KDM4C: variants seen among roughly 807,000 people sequenced by gnomAD.
The protein encoded by KDM4C is lysine-specific demethylase 4C.
Under a neutral mutation model 129.3 loss-of-function variants are expected in KDM4C, and 81 were observed. The ratio of observed to expected loss-of-function variants is 0.63; its 90% CI spans 0.52 to 0.75. The LOEUF (loss-of-function observed/expected upper bound fraction) is 0.75. Among genes scored for constraint, KDM4C ranks in the 30% least tolerant of loss-of-function variants. The pLI is 0.00. For synonymous variants in KDM4C, 573 were observed against 456.1 expected (o/e 1.26, Z -3.26); for missense variants, 1,457 against 1,304.0 (o/e 1.12, Z -1.81).
rs563574331 is a variant in KDM4C, at chr9:6,890,504, G to A, written c.783+2441G>A. ...AACATAAGTGTAATAAACAGCTGAT[G>A]TCTGCATTTAGATTATATCCACTCT... On this transcript the variant is annotated intron_variant, in intron 7 of 21. Transcript: ENST00000381309. Among the ~76,000 whole-genome samples, 319 of 152,238 alleles carry A rather than the reference G, an allele frequency of 2.1e-3. 1 individual carries two copies. The highest frequency in any genetic ancestry group is 7.2e-3 in the African/African-American group (300 of 41,524).
At chr9:6,867,001 A>G (rs10975864) in intron 5 of KDM4C, among the ~76,000 whole-genome samples, 14,167 of 47,524 alleles carry the variant, frequency 0.3, 1,252 homozygotes, top group East Asian at 0.55. Flanking sequence ...GTGTGTGTGT[A>G]TATATATATA....
chr9:7,149,982 A>G (rs193030213), intron 19 of KDM4C, among the ~76,000 whole-genome samples: 1 of 152,302 alleles, frequency 6.6e-6, no homozygotes, highest in East Asian at 1.9e-4. Context: ...GGCTCCTGGT[A>G]TGGTGGGGCA....
chr9:7,029,510 A>G (rs750588819), intron 15 of KDM4C, among the ~76,000 whole-genome samples: 10 of 152,000 alleles, frequency 6.6e-5, no homozygotes, highest in Non-Finnish European at 1.3e-4. Flanking sequence ...AATTGCTAAT[A>G]AGTAATAGGA....
intron 8 of KDM4C, among the ~76,000 whole-genome samples, chr9:6,950,445 T>C (rs1827929075): frequency 6.6e-6 from 1 of 152,208 alleles, no homozygotes; most frequent in Non-Finnish European, 1.5e-5. Context: ...AATTCATCCA[T>C]ACAGATTTTA....
intron 19 of KDM4C, among the ~76,000 whole-genome samples, chr9:7,141,948 A>G (rs1207144318): frequency 6.6e-6 from 1 of 151,766 alleles, no homozygotes; most frequent in Non-Finnish European, 1.5e-5. Context: ...ACACACATAA[A>G]CCCCATTAAC....
intron 15 of KDM4C, among the ~76,000 whole-genome samples, chr9:7,040,890 T>C (rs986866967): frequency 1.3e-5 from 2 of 151,990 alleles, no homozygotes; most frequent in African/African-American, 4.8e-5. Flanking sequence ...GTTTAGAGTT[T>C]GCTGCAATTT....
intron 8 of KDM4C, among the ~76,000 whole-genome samples, chr9:6,949,492 C>G (rs943951312): frequency 1.1e-4 from 17 of 152,302 alleles, no homozygotes; most frequent in African/African-American, 3.4e-4. Context: ...AGGCAGGCGG[C>G]TGGGAGGTGG....
At chr9:7,063,165 G>A (rs190136587) in intron 17 of KDM4C, among the ~76,000 whole-genome samples, 4 of 152,176 alleles carry the variant, frequency 2.6e-5, no homozygotes, top group Non-Finnish European at 5.9e-5. Context: ...TTTTGGTACC[G>A]TATGTAAGAG....
chr9:7,105,549 A>T (rs1339867716), intron 18 of KDM4C: 2 of 457,746 alleles, frequency 4.4e-6, no homozygotes, highest in Non-Finnish European at 4.6e-6. Context: ...AAGTTCAGAG[A>T]GGTTTAATTC....
At chr9:6,834,651 C>A (rs1370236241) in intron 4 of KDM4C, 2 of 788,058 alleles carry the variant, frequency 2.5e-6, no homozygotes, top group Non-Finnish European at 2.3e-6. Flanking sequence ...GGCATCCTGA[C>A]CCTGAAGTGC....
intron 15 of KDM4C, among the ~76,000 whole-genome samples, chr9:7,022,714 C>T (rs1825100121): frequency 6.8e-6 from 1 of 147,600 alleles, no homozygotes; most frequent in Non-Finnish European, 1.5e-5. Flanking sequence ...AAATAGGAAT[C>T]CTTGTTGTGT....
chr9:7,058,025 A>C (rs1437540562), intron 17 of KDM4C, among the ~76,000 whole-genome samples: 1 of 152,194 alleles, frequency 6.6e-6, no homozygotes, highest in Non-Finnish European at 1.5e-5. Context: ...ACTATGACCC[A>C]TGAGTACTGT....
chr9:6,965,410 A>G (rs186655379), intron 8 of KDM4C, among the ~76,000 whole-genome samples: 123 of 152,302 alleles, frequency 8.1e-4, no homozygotes, highest in Non-Finnish European at 1.2e-4. Context: ...AATTGATATT[A>G]TGTGACATTT....
intron 8 of KDM4C, among the ~76,000 whole-genome samples, chr9:6,969,414 T>C (rs1161467417): frequency 6.6e-6 from 1 of 152,338 alleles, no homozygotes; most frequent in East Asian, 1.9e-4. Context: ...AACATAGGGT[T>C]TTTTTTATCT....
intron 1 of KDM4C, 127 bp from the exon 2 acceptor site, chr9:6,792,845 G>A: frequency 1.1e-6 from 1 of 919,066 alleles, no homozygotes; most frequent in Non-Finnish European, 1.7e-6. Context: ...CCCTGAGACT[G>A]GTAGAAGGGA....
intron 18 of KDM4C, among the ~76,000 whole-genome samples, chr9:7,113,412 T>A (rs1838552912): frequency 6.6e-6 from 1 of 152,220 alleles, no homozygotes; most frequent in African/African-American, 2.4e-5. Context: ...AAAATTTTTC[T>A]TAATTTTGCT....
chr9:7,106,604 C>CA (rs1192092305), intron 18 of KDM4C, among the ~76,000 whole-genome samples: 1 of 152,012 alleles, frequency 6.6e-6, no homozygotes, highest in Non-Finnish European at 1.5e-5. Flanking sequence ...ATAAAGCATC[C>CA]AAAAGGACCA....
intron 16 of KDM4C, among the ~76,000 whole-genome samples, chr9:7,048,838 T>G (rs1443924889): frequency 6.6e-6 from 1 of 152,106 alleles, no homozygotes; most frequent in Non-Finnish European, 1.5e-5. Context: ...TAGAAAAATA[T>G]GTGCACGTTA....
chr9:6,896,652 C>A (rs1184808766), intron 8 of KDM4C, among the ~76,000 whole-genome samples: 5 of 151,916 alleles, frequency 3.3e-5, no homozygotes, highest in Non-Finnish European at 7.4e-5. Flanking sequence ...AGTCAACAGG[C>A]TTTGTCATTA....
Sources: gnomAD v4.1 joint callset for allele counts (sites outside exome capture counted in the v4.1 genomes callset) on GRCh38, gnomAD v4.1.1 for gene constraint, MANE v1.5 for transcripts, NCBI Gene and HGNC (gene_info 2026-07-23, HGNC 2026-07-21) for gene names.